RBPJ: variants seen among roughly 807,000 people sequenced by gnomAD.
The protein encoded by RBPJ is recombination signal binding protein for immunoglobulin kappa J region, also known as recombining binding protein suppressor of hairless.
In RBPJ, 9 loss-of-function variants were observed where a neutral mutation model predicts 67.8. That is an observed-to-expected ratio of 0.13 (90% CI 0.08 to 0.23). The LOEUF is 0.23. Among genes scored for constraint, RBPJ ranks in the 10% least tolerant of loss-of-function variants. The pLI is 1.00. For synonymous variants in RBPJ, 198 were observed against 203.3 expected, an observed-to-expected ratio of 0.97 and a Z score of 0.22; for missense variants, 305 against 595.6, an observed-to-expected ratio of 0.51 and a Z score of 5.08.
intron 1 of RBPJ, among the ~76,000 whole-genome samples, chr4:26,331,640 C>G (rs150846867): frequency 1.3e-5 from 2 of 152,256 alleles, no homozygotes; most frequent in Non-Finnish European, 2.9e-5. Flanking sequence ...TGATCTTTGT[C>G]TTGTATTTCT....
chr4:26,353,395 G>A (rs1211242842), intron 1 of RBPJ, among the ~76,000 whole-genome samples: 1 of 152,136 alleles, frequency 6.6e-6, no homozygotes, highest in Non-Finnish European at 1.5e-5. Context: ...ACCAGGCTTT[G>A]AATTCTGGTT....
chr4:26,107,209 G>A, the RBPJ span, among the ~76,000 whole-genome samples: 1 of 152,210 alleles, frequency 6.6e-6, no homozygotes, highest in South Asian at 2.1e-4. Context: ...TTCAAATAAT[G>A]TTCACTGTTG....
At position 26,350,988 on chromosome 4, in the gene RBPJ, T is replaced by G. The variant is rs556705349; in HGVS notation, c.20+29940T>G. On this transcript the variant is annotated intron_variant, in intron 1 of 10. Coordinates refer to ENST00000355476, the MANE Select transcript of RBPJ (RefSeq NM_015874.6). Reference sequence around the variant, plus strand: ...TATGCCATAGGTTGCAAAATTTTTTTTGTGTGATAGCCTTGAGCAGTTGGA... The same window carrying G: ...TATGCCATAGGTTGCAAAATTTTTTGTGTGTGATAGCCTTGAGCAGTTGGA... Among the ~76,000 whole-genome samples, 7 of 152,278 alleles carry G rather than the reference T, an allele frequency of 4.6e-5. No homozygotes were observed. In the East Asian group the frequency reaches 5.8e-4, roughly 13 times the overall value.
chr4:26,351,552 T>C (rs1726807670), intron 1 of RBPJ, among the ~76,000 whole-genome samples: 1 of 152,172 alleles, frequency 6.6e-6, no homozygotes, highest in Non-Finnish European at 1.5e-5. Context: ...GGCTAATTTT[T>C]GTATTTTTTG....
At chr4:26,211,559 G>C (rs376621447) in intron 1 of RBPJ, among the ~76,000 whole-genome samples, 1 of 151,982 alleles carries the variant, frequency 6.6e-6, no homozygotes, top group Non-Finnish European at 1.5e-5. Flanking sequence ...AAAGTTGCAC[G>C]ACCATCATCA....
At chr4:26,358,344 A>G (rs1314796173) in intron 1 of RBPJ, among the ~76,000 whole-genome samples, 1 of 152,128 alleles carries the variant, frequency 6.6e-6, no homozygotes, top group Non-Finnish European at 1.5e-5. Flanking sequence ...TGGTAATTGG[A>G]TTACCATAAG....
At chr4:26,152,506 C>T in the RBPJ span, among the ~76,000 whole-genome samples, 11 of 152,254 alleles carry the variant, frequency 7.2e-5, no homozygotes, top group Non-Finnish European at 1.6e-4. Context: ...CAGGATAGTT[C>T]ATCTGCAGCA....
intron 2 of RBPJ, among the ~76,000 whole-genome samples, chr4:26,395,031 CCT>C (rs1305983794): frequency 6.6e-6 from 1 of 152,184 alleles, no homozygotes; most frequent in Non-Finnish European, 1.5e-5. Flanking sequence ...CCCTGCCATA[CCT>C]CTCTGTTCTC....
At chr4:26,132,190 GACTA>G in the RBPJ span, among the ~76,000 whole-genome samples, 5,142 of 151,910 alleles carry the variant, frequency 0.034, 85 homozygotes, top group Middle Eastern at 0.075. Flanking sequence ...TGCTTAGACT[GACTA>G]ACTATTTTTT....
intron 1 of RBPJ, among the ~76,000 whole-genome samples, chr4:26,299,662 A>G (rs552801636): frequency 1.4e-5 from 2 of 146,040 alleles, no homozygotes; most frequent in East Asian, 4.0e-4. Flanking sequence ...AAGATAGTTA[A>G]GACTGTGTGC....
At chr4:26,339,159 G>A (rs1725229844) in intron 1 of RBPJ, among the ~76,000 whole-genome samples, 1 of 150,640 alleles carries the variant, frequency 6.6e-6, no homozygotes, top group Non-Finnish European at 1.5e-5. Context: ...TAATTATATT[G>A]TGTGTTTCAA....
chr4:26,283,506 C>G (rs1330758540), intron 1 of RBPJ, among the ~76,000 whole-genome samples: 1 of 151,600 alleles, frequency 6.6e-6, no homozygotes, highest in Non-Finnish European at 1.5e-5. Flanking sequence ...GATGGCGCAC[C>G]TGCACTCCAG....
At chr4:26,266,804 G>A (rs1474162646) in intron 1 of RBPJ, among the ~76,000 whole-genome samples, 1 of 152,168 alleles carries the variant, frequency 6.6e-6, no homozygotes, top group Non-Finnish European at 1.5e-5. Flanking sequence ...TTCAAGAGCA[G>A]ATATTACTGG....
intron 1 of RBPJ, among the ~76,000 whole-genome samples, chr4:26,362,103 TTC>T (rs1394363528): frequency 6.6e-6 from 1 of 152,194 alleles, no homozygotes; most frequent in Non-Finnish European, 1.5e-5. Flanking sequence ...TACAGGTGAT[TTC>T]TGGCCCTCAT....
the RBPJ span, among the ~76,000 whole-genome samples, chr4:26,117,057 T>C: frequency 6.6e-6 from 1 of 152,216 alleles, no homozygotes; most frequent in Non-Finnish European, 1.5e-5. Flanking sequence ...GTCATATAGG[T>C]TGGCCCACAA....
intron 4 of RBPJ, among the ~76,000 whole-genome samples, chr4:26,416,830 G>GT (rs1734643004): frequency 6.6e-6 from 1 of 152,078 alleles, no homozygotes; most frequent in Non-Finnish European, 1.5e-5. Flanking sequence ...AGTACTACAG[G>GT]TCTTAATGTC....
chr4:26,139,588 C>T, the RBPJ span, among the ~76,000 whole-genome samples: 1 of 152,234 alleles, frequency 6.6e-6, no homozygotes. Context: ...CCCAGGAGCA[C>T]TCAGTGGGCC....
At position 26,290,793 on chromosome 4, in the gene RBPJ, C is replaced by A. The variant is rs767210105; in HGVS notation, c.-166-71653C>A. On this transcript the variant is annotated intron_variant, in intron 1 of 4. Coordinates refer to the RBPJ transcript ENST00000512351. ...TCCTCTAAAAGTAGATAACTTAGTG[C>A]ACTTTTATTTAATATTACAGTACTT... Among the ~76,000 whole-genome samples, 12 of 150,692 alleles carry A rather than the reference C, an allele frequency of 8.0e-5. 1 individual carries two copies. The highest frequency in any genetic ancestry group is 1.6e-4 in the Non-Finnish European group (11 of 67,618).
At chr4:26,351,485 A>T (rs570252402) in intron 1 of RBPJ, among the ~76,000 whole-genome samples, 1 of 152,130 alleles carries the variant, frequency 6.6e-6, no homozygotes, top group Non-Finnish European at 1.5e-5. Flanking sequence ...GGCTCAGGCA[A>T]TCCTCCCACC....
Sources: gnomAD v4.1 joint callset for allele counts (sites outside exome capture counted in the v4.1 genomes callset) on GRCh38, gnomAD v4.1.1 for gene constraint, MANE v1.5 for transcripts, NCBI Gene and HGNC (gene_info 2026-07-23, HGNC 2026-07-21) for gene names.